SORCS2: variants seen among roughly 807,000 people sequenced by gnomAD.
SORCS2 encodes sortilin related VPS10 domain containing receptor 2, also known as VPS10 domain-containing receptor SorCS2.
Under a neutral mutation model 141.6 loss-of-function variants are expected in SORCS2, and 100 were observed. The ratio of observed to expected loss-of-function variants is 0.71; its 90% CI spans 0.60 to 0.83. The LOEUF is 0.83. SORCS2 is among the 40% of genes least tolerant of loss of function. SORCS2 has a pLI of 0.00. For missense variants in SORCS2, 1,646 were observed against 1,560.2 expected, an observed-to-expected ratio of 1.05 and a Z score of -0.93; for synonymous variants, 789 against 676.9, an observed-to-expected ratio of 1.17 and a Z score of -2.57.
intron 11 of SORCS2, among the ~76,000 whole-genome samples, chr4:7,696,847 G>A (rs1000318530): frequency 1.3e-5 from 2 of 152,212 alleles, no homozygotes; most frequent in Non-Finnish European, 2.9e-5. Context: ...CCCCACAGGG[G>A]CTGCCCATGA....
chr4:7,514,444 A>C (rs945063913), intron 2 of SORCS2, among the ~76,000 whole-genome samples: 5 of 151,918 alleles, frequency 3.3e-5, no homozygotes, highest in African/African-American at 1.2e-4. Flanking sequence ...GACAGATAAT[A>C]GCAAAACAAA....
At chr4:7,710,862 G>A (rs547689942) in intron 14 of SORCS2, among the ~76,000 whole-genome samples, 130 of 152,322 alleles carry the variant, frequency 8.5e-4, no homozygotes, top group African/African-American at 2.7e-3. Context: ...CTCCCAGGCC[G>A]AGGGCTCAAG....
intron 2 of SORCS2, among the ~76,000 whole-genome samples, chr4:7,453,416 CAGG>C (rs1728621976): frequency 9.3e-6 from 1 of 107,244 alleles, no homozygotes; most frequent in African/African-American, 3.8e-5. Context: ...GTGTTGGGGT[CAGG>C]AGCTGTGTGT....
chr4:7,310,645 A>G (rs75515673), intron 1 of SORCS2: 3,364 of 153,954 alleles, frequency 0.022, 112 homozygotes, highest in African/African-American at 0.076. Context: ...GCTCAGCCTG[A>G]TGCACACACC....
chr4:7,263,265 C>A (rs1050115663), intron 1 of SORCS2, among the ~76,000 whole-genome samples: 1 of 152,142 alleles, frequency 6.6e-6, no homozygotes, highest in Non-Finnish European at 1.5e-5. Context: ...GTAGAGAGGT[C>A]ACCTGGTGTA....
At chr4:7,293,684 A>T (rs1158297485) in intron 1 of SORCS2, among the ~76,000 whole-genome samples, 1 of 152,208 alleles carries the variant, frequency 6.6e-6, no homozygotes, top group East Asian at 1.9e-4. Flanking sequence ...GCTGGGGGAC[A>T]CAGTCAATGC....
intron 8 of SORCS2, among the ~76,000 whole-genome samples, chr4:7,671,748 G>A (rs1025309852): frequency 6.6e-6 from 1 of 152,058 alleles, no homozygotes; most frequent in Non-Finnish European, 1.5e-5. Flanking sequence ...ATGATTGTGG[G>A]AGTCCCAGAA....
intron 2 of SORCS2, among the ~76,000 whole-genome samples, chr4:7,496,221 G>A (rs895017898): frequency 6.6e-6 from 1 of 152,110 alleles, no homozygotes; most frequent in Non-Finnish European, 1.5e-5. Flanking sequence ...CTCATCTCAC[G>A]ACACCCTCCT....
At chr4:7,645,680 C>T (rs540631729) in intron 4 of SORCS2, among the ~76,000 whole-genome samples, 1 of 152,346 alleles carries the variant, frequency 6.6e-6, no homozygotes, top group Non-Finnish European at 1.5e-5. Context: ...ATGCCAGGCA[C>T]TGCTCCACAA....
intron 2 of SORCS2, among the ~76,000 whole-genome samples, chr4:7,491,742 A>G (rs1046674926): frequency 1.4e-4 from 21 of 151,220 alleles, no homozygotes; most frequent in African/African-American, 5.1e-4. Flanking sequence ...CAGCCCACCC[A>G]CCCCCCGTTA....
intron 2 of SORCS2, among the ~76,000 whole-genome samples, chr4:7,403,878 A>G (rs1251738419): frequency 6.7e-6 from 1 of 148,372 alleles, no homozygotes; most frequent in South Asian, 2.2e-4. Context: ...GTATGCACGA[A>G]GTAATTTTGA....
At chr4:7,502,857 T>C (rs550132455) in intron 2 of SORCS2, among the ~76,000 whole-genome samples, 155 of 152,376 alleles carry the variant, frequency 1.0e-3, no homozygotes, top group Non-Finnish European at 1.6e-3. Context: ...TCTTCCGCTG[T>C]GGCGACTGAG....
intron 25 of SORCS2, among the ~76,000 whole-genome samples, chr4:7,735,170 T>C (rs1042183400): frequency 6.6e-6 from 1 of 152,206 alleles, no homozygotes. Flanking sequence ...TTTGGCCCTA[T>C]TGTTTCTCCC....
chr4:7,267,567 A>T (rs1363815903), intron 1 of SORCS2, among the ~76,000 whole-genome samples: 1 of 152,188 alleles, frequency 6.6e-6, no homozygotes, highest in Non-Finnish European at 1.5e-5. Context: ...ACCGTGGCTC[A>T]TGTCTGTAGT....
rs140179291 is a variant in SORCS2, at chr4:7,667,469, C to T, written c.1161+256C>T. On this transcript the variant is annotated intron_variant, in intron 8 of 26. Transcript: ENST00000507866. ...TCCCTCTGCCTGGTTCATCTTTCCCCGGAACCCTTGCACATGTGGTATTTG... is the reference window on the plus strand; with the variant it reads ...TCCCTCTGCCTGGTTCATCTTTCCCTGGAACCCTTGCACATGTGGTATTTG... Among the ~76,000 whole-genome samples the T allele has an allele frequency of 4.4e-3, 674 of 152,310 alleles. 8 individuals carry two copies. Among genetic ancestry groups the T allele is most frequent in the African/African-American group, 0.016 (650 of 41,556 alleles).
intron 2 of SORCS2, among the ~76,000 whole-genome samples, chr4:7,455,560 CTGTGTTGGGGTCAGGAGCTG>C (rs1192369195): frequency 7.2e-6 from 1 of 139,598 alleles, no homozygotes; most frequent in African/African-American, 2.7e-5. Flanking sequence ...GGGTCAGGCA[CTGTGTTGGGGTCAGGAGCTG>C]TGTGTTGGGG....
chr4:7,707,704 C>T (rs1260688826), intron 14 of SORCS2, among the ~76,000 whole-genome samples: 1 of 152,214 alleles, frequency 6.6e-6, no homozygotes, highest in African/African-American at 2.4e-5. Flanking sequence ...CGTCCCCAGG[C>T]CACGCACAGC....
chr4:7,726,760 G>C lies in SORCS2; in HGVS notation c.2746-20G>C. ...CTGCCTCACTCGGCCAGGCCCCTAA[G>C]CCCTGCTGTGCCCCTGCAGCCCCTC... is the stretch of plus-strand genomic sequence containing the variant. On this transcript the variant is annotated intron_variant, in intron 20 of 26. Coordinates refer to ENST00000507866, the MANE Select transcript of SORCS2 (RefSeq NM_020777.3). 1 of 1,612,006 alleles carries C rather than the reference G, an allele frequency of 6.2e-7. No homozygotes were observed. Among genetic ancestry groups the C allele is most frequent in the Non-Finnish European group, 8.5e-7 (1 of 1,178,974 alleles).
At position 7,359,148 on chromosome 4, in the gene SORCS2, T is replaced by A. The variant is rs372451691; in HGVS notation, c.481-37140T>A. On this transcript the variant is annotated intron_variant, in intron 1 of 26. Transcript: ENST00000507866. ...CTGCCTCTACTAAAAATACAAAAAT[T>A]AGCCAAGTGTGATGGTGCATGCCTG... Among the ~76,000 whole-genome samples, 129 of 152,244 alleles carry A rather than the reference T, an allele frequency of 8.5e-4. 1 individual carries two copies. The highest frequency in any genetic ancestry group is 3.0e-3 in the African/African-American group (125 of 41,538).
Sources: allele counts gnomAD v4.1 joint callset (sites outside exome capture counted in the v4.1 genomes callset), GRCh38; gene constraint gnomAD v4.1.1; transcripts MANE v1.5; gene names NCBI Gene and HGNC (gene_info 2026-07-23, HGNC 2026-07-21).